The following ARHGAP6 variants were observed in gnomAD, a reference collection of about 807,000 sequenced individuals.
ARHGAP6 encodes rho GTPase-activating protein 6.
ARHGAP6 carries 16 observed loss-of-function variants against 55.7 expected under a neutral mutation model. The ratio of observed to expected loss-of-function variants is 0.29; its 90% confidence interval spans 0.19 to 0.44. The LOEUF is 0.44. Among genes scored for constraint, ARHGAP6 ranks in the 20% least tolerant of loss-of-function variants. The probability of loss-of-function intolerance (pLI) is 1.00; values close to 1 mark genes in which losing one functional copy is unlikely to be tolerated. For missense variants in ARHGAP6, 698 were observed against 808.9 expected (o/e 0.86, Z 1.66); for synonymous variants, 382 against 360.9 (o/e 1.06, Z -0.66).
chrX:11,516,189 C>T (rs890786608), intron 1 of ARHGAP6, among the ~76,000 whole-genome samples: 5 of 112,350 alleles, frequency 4.5e-5, no homozygotes, highest in Non-Finnish European at 9.4e-5. Context: ...TTTAAAATTA[C>T]ATTTTGTAAG....
intron 9 of ARHGAP6, among the ~76,000 whole-genome samples, chrX:11,161,419 TA>T (rs34195003): frequency 9.1e-6 from 1 of 109,430 alleles, no homozygotes; most frequent in African/African-American, 3.3e-5. Flanking sequence ...TAGGATGCTG[TA>T]AAAAAAAATC....
intron 1 of ARHGAP6, among the ~76,000 whole-genome samples, chrX:11,391,816 G>A (rs141292380): frequency 0.013 from 1,453 of 112,130 alleles, 24 homozygotes; most frequent in African/African-American, 0.043. Context: ...AGGGATCTTC[G>A]TAAAATGCAG....
At chrX:11,499,041 G>C (rs770497863) in intron 1 of ARHGAP6, among the ~76,000 whole-genome samples, 61 of 112,161 alleles carry the variant, frequency 5.4e-4, no homozygotes, top group Non-Finnish European at 9.8e-4. Context: ...TATCAACTAA[G>C]TTATATCTAG....
chrX:11,230,639 G>GTA (rs2047116642), intron 2 of ARHGAP6, among the ~76,000 whole-genome samples: 1 of 108,053 alleles, frequency 9.3e-6, no homozygotes, highest in Non-Finnish European at 1.9e-5. Context: ...GTGTGTGTGT[G>GTA]TATAAATGTG....
chrX:11,236,118 G>T (rs1426043388), intron 2 of ARHGAP6, among the ~76,000 whole-genome samples: 4 of 111,897 alleles, frequency 3.6e-5, no homozygotes, highest in African/African-American at 1.3e-4. Flanking sequence ...ACTGAGACTG[G>T]GTAATTTATA....
intron 1 of ARHGAP6, among the ~76,000 whole-genome samples, chrX:11,315,181 A>G (rs2048344310): frequency 8.9e-6 from 1 of 112,610 alleles, no homozygotes; most frequent in East Asian, 2.8e-4. Flanking sequence ...TATGTTTTAG[A>G]CTAGCTGACC....
At chrX:11,653,985 C>T (rs1288085624) in intron 1 of ARHGAP6, among the ~76,000 whole-genome samples, 2 of 111,653 alleles carry the variant, frequency 1.8e-5, no homozygotes. Context: ...ATCATCCTCA[C>T]CCATCAACGA....
chrX:11,217,641 A>T (rs1476111098), intron 2 of ARHGAP6, among the ~76,000 whole-genome samples: 1 of 111,312 alleles, frequency 9.0e-6, no homozygotes, highest in African/African-American at 3.3e-5. Flanking sequence ...GATTGCAAAA[A>T]TTTTCTCCCA....
At chrX:11,538,610 A>T (rs67819151) in intron 1 of ARHGAP6, among the ~76,000 whole-genome samples, 30,744 of 110,764 alleles carry the variant, frequency 0.28, 3,325 homozygotes, top group Middle Eastern at 0.4. Flanking sequence ...TGTACAATAA[A>T]AACCAAATAC....
chrX:11,506,242 T>C (rs977424834), intron 1 of ARHGAP6, among the ~76,000 whole-genome samples: 1 of 110,909 alleles, frequency 9.0e-6, no homozygotes, highest in Non-Finnish European at 1.9e-5. Flanking sequence ...CAGTACATAG[T>C]CTCCTTTTTT....
At chrX:11,586,570 T>G (rs770172771) in intron 1 of ARHGAP6, among the ~76,000 whole-genome samples, 2 of 112,111 alleles carry the variant, frequency 1.8e-5, no homozygotes, top group Non-Finnish European at 3.8e-5. Flanking sequence ...TTTTGGTTAC[T>G]GTAGCCCCAT....
intron 1 of ARHGAP6, among the ~76,000 whole-genome samples, chrX:11,567,450 A>T (rs1448969014): frequency 1.9e-5 from 2 of 106,389 alleles, no homozygotes; most frequent in Non-Finnish European, 3.9e-5. Context: ...GCTACTCGGG[A>T]GGCTGAGGCA....
intron 1 of ARHGAP6, among the ~76,000 whole-genome samples, chrX:11,527,863 T>A (rs1383322015): frequency 8.9e-6 from 1 of 112,444 alleles, no homozygotes; most frequent in Non-Finnish European, 1.9e-5. Flanking sequence ...AACCTTATTT[T>A]GCATTATGGT....
intron 1 of ARHGAP6, among the ~76,000 whole-genome samples, chrX:11,313,702 A>G (rs1291723170): frequency 8.9e-6 from 1 of 112,319 alleles, no homozygotes; most frequent in Non-Finnish European, 1.9e-5. Flanking sequence ...ACTGGGCTGG[A>G]GGCTTCACAA....
intron 1 of ARHGAP6, among the ~76,000 whole-genome samples, chrX:11,498,024 TTGAA>T (rs1460390580): frequency 8.9e-6 from 1 of 111,921 alleles, no homozygotes; most frequent in Admixed American, 9.6e-5. Context: ...TTGAATTTGA[TTGAA>T]TTTCAATATA....
intron 1 of ARHGAP6, among the ~76,000 whole-genome samples, chrX:11,407,895 C>A (rs1050159560): frequency 9.0e-6 from 1 of 110,908 alleles, no homozygotes; most frequent in African/African-American, 3.3e-5. Flanking sequence ...ATCCTATAGT[C>A]CAGTATTTTT....
chrX:11,197,188 G>A (rs374169170), intron 2 of ARHGAP6, among the ~76,000 whole-genome samples, 192 bp from the exon 3 acceptor site: 13 of 111,897 alleles, frequency 1.2e-4, no homozygotes, highest in Middle Eastern at 4.6e-3. Context: ...GAATTTTGGT[G>A]TATATTCTTG....
intron 12 of ARHGAP6, among the ~76,000 whole-genome samples, chrX:11,141,440 A>T (rs1457575580): frequency 3.6e-5 from 4 of 112,613 alleles, no homozygotes; most frequent in African/African-American, 1.3e-4. Context: ...AGTTCATAAG[A>T]ATTTAAAAAA....
chrX:11,183,783 C>T (rs984528542), intron 5 of ARHGAP6, among the ~76,000 whole-genome samples: 1 of 111,924 alleles, frequency 8.9e-6, no homozygotes, highest in Non-Finnish European at 1.9e-5. Context: ...TAGAGCCAGA[C>T]ATTACTCTGA....
Sources: allele counts gnomAD v4.1 joint callset (sites outside exome capture counted in the v4.1 genomes callset), GRCh38; gene constraint gnomAD v4.1.1; transcripts MANE v1.5; gene names NCBI Gene and HGNC (gene_info 2026-07-23, HGNC 2026-07-21).